Variants in PHKB observed in about 807,000 individuals in gnomAD.
PHKB encodes the protein phosphorylase b kinase regulatory subunit beta.
Under a neutral mutation model 152.1 loss-of-function variants are expected in PHKB, and 122 were observed. That is an observed-to-expected ratio of 0.80 (90% CI 0.69 to 0.93). The LOEUF (loss-of-function observed/expected upper bound fraction) is 0.93, where lower values mean the gene tolerates loss of function less well. Ranked by LOEUF, PHKB falls within the 40% of genes least tolerant of loss-of-function variation. PHKB has a pLI of 0.00. For synonymous variants in PHKB, 436 were observed against 464.9 expected (o/e 0.94, Z 0.80); for missense variants, 1,304 against 1,328.4 (o/e 0.98, Z 0.29).
At chr16:47,624,623 C>G (rs1972677129) in intron 14 of PHKB, among the ~76,000 whole-genome samples, 1 of 152,152 alleles carries the variant, frequency 6.6e-6, no homozygotes, top group Admixed American at 6.5e-5. Flanking sequence ...TTTGGCTGTT[C>G]CAATTGATAT....
intron 16 of PHKB, among the ~76,000 whole-genome samples, chr16:47,647,106 T>C (rs1036234600): frequency 6.6e-6 from 1 of 151,998 alleles, no homozygotes; most frequent in African/African-American, 2.4e-5. Context: ...TTTATTTATT[T>C]ATTTATGTAT....
intron 16 of PHKB, among the ~76,000 whole-genome samples, chr16:47,645,694 C>T (rs537452873): frequency 5.4e-4 from 82 of 151,880 alleles, no homozygotes; most frequent in African/African-American, 1.4e-3. Context: ...CTTGGCGATG[C>T]GGGCTCTTTC....
intron 4 of PHKB, among the ~76,000 whole-genome samples, chr16:47,511,433 T>C (rs544681990): frequency 2.0e-4 from 31 of 152,356 alleles, no homozygotes; most frequent in African/African-American, 6.5e-4. Context: ...CTCCATACTA[T>C]ACCTGAGTTG....
chr16:47,614,250 T>C (rs1266694908), intron 14 of PHKB, among the ~76,000 whole-genome samples: 1 of 152,154 alleles, frequency 6.6e-6, no homozygotes, highest in East Asian at 1.9e-4. Flanking sequence ...GCTAAACCAT[T>C]CATGAGAACT....
chr16:47,570,824 G>A (rs1396009811), intron 7 of PHKB, among the ~76,000 whole-genome samples: 1 of 152,036 alleles, frequency 6.6e-6, no homozygotes, highest in Non-Finnish European at 1.5e-5. Flanking sequence ...GAGTTAGTAT[G>A]TATTGGGGAG....
intron 14 of PHKB, among the ~76,000 whole-genome samples, chr16:47,614,298 C>T (rs749338466): frequency 1.4e-4 from 22 of 152,208 alleles, no homozygotes; most frequent in Admixed American, 2.6e-4. Context: ...CCAGTCCCTA[C>T]CTTCAACACT....
intron 4 of PHKB, among the ~76,000 whole-genome samples, chr16:47,508,296 T>C (rs1970454194): frequency 6.6e-6 from 1 of 152,220 alleles, no homozygotes; most frequent in Non-Finnish European, 1.5e-5. Context: ...AGTGTGCAGA[T>C]ACCTATTCTC....
At chr16:47,551,619 G>A (rs1477762168) in intron 7 of PHKB, among the ~76,000 whole-genome samples, 1 of 152,162 alleles carries the variant, frequency 6.6e-6, no homozygotes, top group East Asian at 1.9e-4. Context: ...TTGCTGAGGA[G>A]TATTTTACTT....
chr16:47,630,898 C>CT lies in PHKB; in HGVS notation c.1459-10131dup, dbSNP rs1972815496. On this transcript the variant is annotated intron_variant, in intron 14 of 30. Coordinates refer to ENST00000323584, the MANE Select transcript of PHKB (RefSeq NM_000293.3). ...GACTGCCTTCCAGCTGGGACATGGG[C>CT]TTTTTTCCTGTCTTTGGAGTTGAAC... Among the ~76,000 whole-genome samples, 3 of 152,102 alleles carry CT rather than the reference C, an allele frequency of 2.0e-5. No individual in the cohort carries two copies. The South Asian group carries it at 6.2e-4, about 32-fold the overall frequency.
chr16:47,553,853 G>A (rs1433172935), intron 7 of PHKB, among the ~76,000 whole-genome samples: 1 of 152,158 alleles, frequency 6.6e-6, no homozygotes, highest in Non-Finnish European at 1.5e-5. Context: ...GTTTGCCTGG[G>A]TATCACCAGC....
At chr16:47,485,809 TG>T (rs1170926651) in intron 1 of PHKB, among the ~76,000 whole-genome samples, 3 of 151,952 alleles carry the variant, frequency 2.0e-5, no homozygotes, top group Non-Finnish European at 4.4e-5. Flanking sequence ...TTTGTACAGA[TG>T]GGGTTTCGCC....
chr16:47,465,952 A>C (rs1163824354), intron 1 of PHKB, among the ~76,000 whole-genome samples: 2 of 152,214 alleles, frequency 1.3e-5, no homozygotes, highest in African/African-American at 2.4e-5. Context: ...CAGTATTGCC[A>C]AAAGTGAAAG....
At chr16:47,463,598 T>C (rs1280733422) in intron 1 of PHKB, 2 of 328,824 alleles carry the variant, frequency 6.1e-6, no homozygotes, top group Non-Finnish European at 1.2e-5. Context: ...CCCCACAGAG[T>C]TCTGAGCATT....
At chr16:47,619,045 A>T (rs900122180) in intron 14 of PHKB, 1 of 152,230 alleles carries the variant, frequency 6.6e-6, no homozygotes, top group Non-Finnish European at 1.5e-5. Flanking sequence ...TCTTTTGTTT[A>T]TAGGCACTGT....
At chr16:47,504,493 C>G (rs982840346) in intron 4 of PHKB, among the ~76,000 whole-genome samples, 3 of 152,180 alleles carry the variant, frequency 2.0e-5, no homozygotes, top group Non-Finnish European at 4.4e-5. Context: ...CTTTCATGAT[C>G]TGAGTGTCCA....
chr16:47,580,075 A>G (rs1971816448), intron 7 of PHKB, among the ~76,000 whole-genome samples: 1 of 152,150 alleles, frequency 6.6e-6, no homozygotes, highest in Non-Finnish European at 1.5e-5. Context: ...GTTTAGATCA[A>G]GGTGAACCTA....
chr16:47,566,665 C>G (rs1307609343), intron 7 of PHKB: 1 of 892,944 alleles, frequency 1.1e-6, no homozygotes, highest in Non-Finnish European at 1.9e-6. Flanking sequence ...CAAGCAGCCC[C>G]TGGAGCAGTG....
At position 47,649,114 on chromosome 16, in the gene PHKB, A is replaced by G; in HGVS notation, c.1707A>G (p.Leu569=). ...CLGTSKIYRI[L]GKTVVCYPII... ...TTCCCTTACAGATTTATCGCATTCT[A>G]GGAAAGACTGTGGTTTGTTACCCGA... The change falls in exon 18 of 31, where the codon CTA becomes CTG. Residue 569 remains leucine (L), a synonymous_variant. Transcript: ENST00000323584. 6.3e-7 allele frequency: 1 copy of G among 1,598,524 alleles called. No individual in the cohort carries two copies. Among genetic ancestry groups the G allele is most frequent in the Non-Finnish European group, 8.6e-7 (1 of 1,165,864 alleles).
intron 7 of PHKB, among the ~76,000 whole-genome samples, chr16:47,553,728 T>A (rs1971315883): frequency 6.6e-6 from 1 of 152,198 alleles, no homozygotes; most frequent in African/African-American, 2.4e-5. Flanking sequence ...TGAGTGGACA[T>A]CCTTTTTGTT....
Sources: gnomAD v4.1 joint callset for allele counts (sites outside exome capture counted in the v4.1 genomes callset) on GRCh38, gnomAD v4.1.1 for gene constraint, MANE v1.5 for transcripts, NCBI Gene and HGNC (gene_info 2026-07-23, HGNC 2026-07-21) for gene names.